C6orf136: variants seen among roughly 807,000 people sequenced by gnomAD.
C6orf136 encodes chromosome 6 open reading frame 136.
Under a neutral mutation model 44.0 loss-of-function variants are expected in C6orf136, and 29 were observed. That is an observed-to-expected ratio of 0.66 (90% CI 0.49 to 0.90). The LOEUF (loss-of-function observed/expected upper bound fraction) is 0.90, where lower values mean the gene tolerates loss of function less well. Ranked by LOEUF, C6orf136 falls within the 40% of genes least tolerant of loss-of-function variation. The probability of loss-of-function intolerance (pLI) is 0.00; values close to 1 mark genes in which losing one functional copy is unlikely to be tolerated. For synonymous variants in C6orf136, 293 were observed against 278.6 expected (o/e 1.05, Z -0.52); for missense variants, 628 against 669.3 (o/e 0.94, Z 0.68).
In C6orf136 at chr6:30,647,167, C is replaced by T. The variant is rs373925469; in HGVS notation, c.-65C>T. On this transcript the variant is annotated 5_prime_UTR_variant, in exon 1 of 6. Coordinates refer to ENST00000651131, the MANE Select transcript of C6orf136 (RefSeq NM_001161376.2). This position sits in a 1 kb window ranked among gnomAD's most constrained non-coding sequence, Gnocchi z 4.8. ...CCTTCACGAAGCCGGCTCTGGGGCG[C>T]GCTCACCCCTGTGAGGAGGCCGGAG... The T allele has an allele frequency of 4.7e-3, 6,601 of 1,412,972 alleles. 26 individuals carry two copies. The highest frequency in any genetic ancestry group is 0.014 in the Middle Eastern group (63 of 4,456). 87.5% of individuals were successfully genotyped at this position (1,412,972 alleles called of 1,614,324 possible).
rs1269805617 is a variant in C6orf136, at chr6:30,647,901, C to T, written c.615+55C>T. 5 of 1,426,218 alleles carry T rather than the reference C, an allele frequency of 3.5e-6. No individual in the cohort carries two copies. In the African/African-American group the frequency reaches 4.4e-5, roughly 13 times the overall value. The allele number at this position is 1,426,218 out of a possible 1,614,324, so 88.3% of individuals were successfully genotyped here. On this transcript the variant is annotated intron_variant, in intron 1 of 5. Transcript: ENST00000651131. This position sits in a 1 kb window ranked among gnomAD's most constrained non-coding sequence, Gnocchi z 4.8. ...CAGTGAGACGATCCCCTGGGGGGTT[C>T]CTTGGGAGCGGAGGGACTCGGGTGA...
intron 1 of C6orf136, 63 bp from the exon 2 acceptor site, chr6:30,649,495 G>A (rs1031743276): frequency 6.8e-7 from 1 of 1,466,692 alleles, no homozygotes; most frequent in African/African-American, 1.4e-5. Flanking sequence ...TGAGCATCCA[G>A]GGGATCAAGG....
chr6:30,650,709 G>C (rs947541595), intron 2 of C6orf136, among the ~76,000 whole-genome samples: 2 of 150,708 alleles, frequency 1.3e-5, no homozygotes, highest in African/African-American at 2.5e-5. Context: ...CTTGAACCTG[G>C]GAGGCGGAGG....
chr6:30,648,604 T>C (rs1263187147), intron 1 of C6orf136, among the ~76,000 whole-genome samples: 1 of 151,254 alleles, frequency 6.6e-6, no homozygotes, highest in East Asian at 2.0e-4. Flanking sequence ...TGTCACCATA[T>C]TGGCCAGGCT....
Position 30,649,887 on chromosome 6 carries a change from C to T in C6orf136, c.945C>T (p.Ser315=). 6.2e-7 allele frequency: 1 copy of T among 1,613,984 alleles called. No homozygotes were observed. Among genetic ancestry groups the T allele is most frequent in the Non-Finnish European group, 8.5e-7 (1 of 1,179,924 alleles). The change falls in exon 2 of 6, where the codon TCC becomes TCT. Residue 315 remains serine (S), a synonymous_variant. Coordinates refer to ENST00000651131, the MANE Select transcript of C6orf136 (RefSeq NM_001161376.2). ...PFQVPGTAHP[S]PATPSGDPSM... ...AAGTCCCTGGAACTGCCCACCCTTC[C>T]CCTGCCACCCCGTCAGGAGATCCTA...
intron 1 of C6orf136, among the ~76,000 whole-genome samples, chr6:30,648,328 C>G (rs1489889676): frequency 6.6e-6 from 1 of 151,736 alleles, no homozygotes; most frequent in Non-Finnish European, 1.5e-5. Flanking sequence ...ACCTGTTATT[C>G]GTTAACTCAT....
intron 4 of C6orf136, among the ~76,000 whole-genome samples, chr6:30,652,209 C>T (rs1487535326): frequency 1.4e-5 from 2 of 147,732 alleles, no homozygotes; most frequent in Admixed American, 1.4e-4. Flanking sequence ...CATTACTGGA[C>T]TCCAGCCTGG....
At chr6:30,651,197 T>G in intron 3 of C6orf136, 69 bp from the exon 4 acceptor site, 1 of 1,589,740 alleles carries the variant, frequency 6.3e-7, no homozygotes, top group Non-Finnish European at 8.6e-7. Context: ...CTGTTCCCCA[T>G]TCCTTAGAAG....
chr6:30,647,268 G>C lies in C6orf136; in HGVS notation c.37G>C (p.Gly13Arg), dbSNP rs765219539. 6.3e-7 allele frequency: 1 copy of C among 1,598,862 alleles called. No individual in the cohort carries two copies. Among genetic ancestry groups the C allele is most frequent in the Non-Finnish European group, 8.5e-7 (1 of 1,175,082 alleles). Residue 13 changes from glycine to arginine, a missense_variant, in exon 1 of 6, where the codon GGC becomes CGC. This residue lies in a region of C6orf136 where 497 missense variants were observed against 469.2 expected (regional missense o/e 1.06). Transcript: ENST00000651131. This position sits in a 1 kb window ranked among gnomAD's most constrained non-coding sequence, Gnocchi z 4.8. ...CAGCCGGGGTGCGGCCCGGCGTCTC[G>C]GCCCTTGCCTGCGCGCCTACCAGGC... ...QPSRGAARRL[G>R]PCLRAYQARP...
rs1561947684 is a variant in C6orf136, at chr6:30,647,627, C to T, written c.396C>T (p.Gly132=). 3.9e-6 allele frequency: 6 copies of T among 1,549,752 alleles called. No individual in the cohort carries two copies. The highest frequency in any genetic ancestry group is 1.2e-5 in the South Asian group (1 of 84,020). ...CTAGAGGTGATTTGAAGGGCAGGGG[C>T]CGAGAGATTCGTAGCCCTGCTGCGG... ...PVPRGDLKGR[G]REIRSPAAAP... is the part of the protein sequence containing the mutation. The change falls in exon 1 of 6, where the codon GGC becomes GGT. Residue 132 remains glycine (G), a synonymous_variant. Transcript: ENST00000651131. This position sits in a 1 kb window ranked among gnomAD's most constrained non-coding sequence, Gnocchi z 4.8.
At chr6:30,648,515 C>T (rs1344321831) in intron 1 of C6orf136, among the ~76,000 whole-genome samples, 1 of 151,386 alleles carries the variant, frequency 6.6e-6, no homozygotes, top group Non-Finnish European at 1.5e-5. Context: ...TCTCCTTCCT[C>T]AGCCTCCCGA....
chr6:30,647,297 A>T lies in C6orf136; in HGVS notation c.66A>T (p.Arg22=). The T allele has an allele frequency of 6.3e-7, 1 of 1,598,384 alleles. No homozygotes were observed. Among genetic ancestry groups the T allele is most frequent in the Non-Finnish European group, 8.5e-7 (1 of 1,174,624 alleles). ...CTTGCCTGCGCGCCTACCAGGCTCGACCCCAGGTGAGCGGAGGAGAAGAGG... is the reference window on the plus strand; with the variant it reads ...CTTGCCTGCGCGCCTACCAGGCTCGTCCCCAGGTGAGCGGAGGAGAAGAGG... The part of the protein sequence containing the change: ...LGPCLRAYQA[R]PQVSGGEEGG... The change falls in exon 1 of 6, where the codon CGA becomes CGT. Residue 22 remains arginine (R), a synonymous_variant. Transcript: ENST00000651131. The surrounding 1 kb of genome is among the most constrained non-coding windows in gnomAD (Gnocchi z 4.8).
Position 30,647,345 on chromosome 6 carries a change from G to A in C6orf136, c.114G>A (p.Glu38=). ...AGGGAGGGAGGAGAGGGGGCGGGGA[G>A]AGACCCTCCTCAAAGCCGGTGCGTG... The part of the protein sequence containing the change: ...GEEGGRRGGG[E]RPSSKPVRGA... Residue 38 remains glutamate (E), a synonymous_variant, in exon 1 of 6, where the codon GAG becomes GAA. Transcript: ENST00000651131. The surrounding 1 kb of genome is among the most constrained non-coding windows in gnomAD (Gnocchi z 4.8). 3 of 1,557,798 alleles carry A rather than the reference G, an allele frequency of 1.9e-6. No homozygotes were observed. The highest frequency in any genetic ancestry group is 2.6e-6 in the Non-Finnish European group (3 of 1,156,740).
rs780541976 is a variant in C6orf136 at position 30,649,859 on chromosome 6, T to C, written c.917T>C (p.Phe306Ser). Residue 306 changes from phenylalanine to serine, a missense_variant, in exon 2 of 6, where the codon TTC (phenylalanine) becomes TCC (serine). This residue lies in a region of C6orf136 where 497 missense variants were observed against 469.2 expected (regional missense o/e 1.06). Coordinates refer to ENST00000651131, the MANE Select transcript of C6orf136 (RefSeq NM_001161376.2). ...PCPYPGAWIP[F>S]QVPGTAHPSP... ...CCCTATCCTGGGGCTTGGATACCTT[T>C]CCAAGTCCCTGGAACTGCCCACCCT... 1 of 1,614,064 alleles carries C rather than the reference T, an allele frequency of 6.2e-7. No individual in the cohort carries two copies. The highest frequency in any genetic ancestry group is 8.5e-7 in the Non-Finnish European group (1 of 1,179,984).
Position 30,647,140 on chromosome 6 carries a change from C to A in C6orf136, c.-92C>A. ...CTACCCCCCCGCCCCGGCCTCCTTT[C>A]CCCTTCACGAAGCCGGCTCTGGGGC... is the stretch of plus-strand genomic sequence containing the variant. On this transcript the variant is annotated 5_prime_UTR_variant, in exon 1 of 6. Transcript: ENST00000651131. The surrounding 1 kb of genome is among the most constrained non-coding windows in gnomAD (Gnocchi z 4.8). The A allele has an allele frequency of 1.7e-6, 1 of 602,212 alleles. No homozygotes were observed. Among genetic ancestry groups the A allele is most frequent in the Non-Finnish European group, 2.5e-6 (1 of 407,482 alleles). The allele number at this position is 602,212 out of a possible 1,614,324, so 37.3% of individuals were successfully genotyped here.
At position 30,647,208 on chromosome 6, in the gene C6orf136, C is replaced by A; in HGVS notation, c.-24C>A. The A allele has an allele frequency of 6.4e-7, 1 of 1,555,680 alleles. No individual in the cohort carries two copies. Among genetic ancestry groups the A allele is most frequent in the Admixed American group, 1.9e-5 (1 of 52,112 alleles). ...GAGGCCGGAGGTCGGACTCAGGAGG[C>A]TCCTTCTCCACTCCCGGAAGATCAT... On this transcript the variant is annotated 5_prime_UTR_variant, in exon 1 of 6. Coordinates refer to ENST00000651131, the MANE Select transcript of C6orf136 (RefSeq NM_001161376.2). The surrounding 1 kb of genome is among the most constrained non-coding windows in gnomAD (Gnocchi z 4.8).
intron 5 of C6orf136, 40 bp from the exon 6 acceptor site, chr6:30,652,762 G>A: frequency 6.2e-7 from 1 of 1,612,124 alleles, no homozygotes; most frequent in Non-Finnish European, 8.5e-7. Flanking sequence ...TAGAACATTT[G>A]TGTGCCTCCC....
intron 4 of C6orf136, 132 bp from the exon 5 acceptor site, chr6:30,652,516 T>C (rs901814487): frequency 1.5e-5 from 12 of 802,058 alleles, no homozygotes; most frequent in Non-Finnish European, 2.7e-5. Flanking sequence ...ACCTAAGCAC[T>C]GAGATGTTTG....
intron 5 of C6orf136, 29 bp downstream of exon 5, chr6:30,652,746 A>T: frequency 6.2e-7 from 1 of 1,612,592 alleles, no homozygotes; most frequent in Non-Finnish European, 8.5e-7. Context: ...TGGGTGGGGT[A>T]AAGGGTAGAA....
Sources: gnomAD v4.1 joint callset for allele counts (sites outside exome capture counted in the v4.1 genomes callset) on GRCh38, gnomAD v4.1.1 for gene constraint, gnomAD v4.1.1 regional missense constraint, Gnocchi (gnomAD v3.1) non-coding constraint, MANE v1.5 for transcripts, NCBI Gene and HGNC (gene_info 2026-07-23, HGNC 2026-07-21) for gene names.